Variants in DPYD observed in about 807,000 individuals in gnomAD.
DPYD encodes the protein dihydropyrimidine dehydrogenase.
In DPYD, 109 loss-of-function variants were observed where a neutral mutation model predicts 116.2. The ratio of observed to expected loss-of-function variants is 0.94; its 90% CI spans 0.80 to 1.10. DPYD has a LOEUF of 1.10. Among genes scored for constraint, DPYD ranks in the 50% least tolerant of loss-of-function variants. DPYD has a pLI of 0.00. For missense variants in DPYD, 1,302 were observed against 1,254.5 expected, an observed-to-expected ratio of 1.04 and a Z score of -0.57; for synonymous variants, 440 against 432.0, an observed-to-expected ratio of 1.02 and a Z score of -0.23.
At chr1:97,919,035 G>A (rs908860815) in intron 1 of DPYD, among the ~76,000 whole-genome samples, 26 of 152,070 alleles carry the variant, frequency 1.7e-4, no homozygotes, top group African/African-American at 5.6e-4. Context: ...ATCAACTGAG[G>A]CATTTATGCT....
chr1:97,649,159 T>C (rs1438762999), intron 8 of DPYD, among the ~76,000 whole-genome samples: 6 of 152,092 alleles, frequency 3.9e-5, no homozygotes, highest in Admixed American at 2.0e-4. Context: ...TGCCTACATA[T>C]TGCAGTGTAA....
Position 97,369,561 on chromosome 1 carries a change from C to T in DPYD, c.2058+4000G>A, listed in dbSNP as rs533796432. 2.0e-5 allele frequency among the ~76,000 whole-genome samples: 3 copies of T among 152,220 alleles called. No homozygotes were observed. The South Asian group carries it at 6.2e-4, about 32-fold the overall frequency. ...ATCTTTGACCTGGGAAACTCGAGGG[C>T]CTCTGCCTTGTGAAAAATGGAACAA... is the stretch of plus-strand genomic sequence containing the variant. On this transcript the variant is annotated intron_variant, in intron 16 of 22. Coordinates refer to ENST00000370192, the MANE Select transcript of DPYD (RefSeq NM_000110.4).
At position 97,187,085 on chromosome 1, in the gene DPYD, A is replaced by G. The variant is rs183411452; in HGVS notation, c.2622+5984T>C. 3.4e-4 allele frequency among the ~76,000 whole-genome samples: 52 copies of G among 152,276 alleles called. 1 individual carries two copies. Among genetic ancestry groups the G allele is most frequent in the Non-Finnish European group, 5.1e-4 (35 of 68,020 alleles). ...TGTAATGATGTCTTTTCCTTTGGAT[A>G]TAAACCCAATAGTAGGATTGCTGAG... On this transcript the variant is annotated intron_variant, in intron 20 of 22. Coordinates refer to ENST00000370192, the MANE Select transcript of DPYD (RefSeq NM_000110.4).
chr1:97,822,675 T>A (rs1289292368), intron 3 of DPYD, among the ~76,000 whole-genome samples: 2 of 152,128 alleles, frequency 1.3e-5, no homozygotes, highest in Non-Finnish European at 2.9e-5. Context: ...TAATTTTCAA[T>A]CCTCTGAGAA....
At chr1:97,826,498 T>G (rs1669252195) in intron 3 of DPYD, among the ~76,000 whole-genome samples, 1 of 152,108 alleles carries the variant, frequency 6.6e-6, no homozygotes, top group African/African-American at 2.4e-5. Flanking sequence ...TGTCTATGTA[T>G]TTACTTCAAA....
At chr1:97,750,799 T>G (rs1474467214) in intron 3 of DPYD, among the ~76,000 whole-genome samples, 1 of 152,192 alleles carries the variant, frequency 6.6e-6, no homozygotes, top group Non-Finnish European at 1.5e-5. Context: ...AAGTGTAGTA[T>G]TTGTAGGATA....
chr1:97,562,086 T>C (rs906592818), intron 11 of DPYD, among the ~76,000 whole-genome samples: 2 of 152,242 alleles, frequency 1.3e-5, no homozygotes, highest in Non-Finnish European at 2.9e-5. Context: ...AAGAATCTTG[T>C]ATAATTAATA....
chr1:97,754,486 T>G (rs1557935740), intron 3 of DPYD, among the ~76,000 whole-genome samples: 1 of 152,212 alleles, frequency 6.6e-6, no homozygotes, highest in Non-Finnish European at 1.5e-5. Flanking sequence ...CGTGGCATGC[T>G]CCATTAATTT....
chr1:97,305,479 C>G, intron 17 of DPYD, 101 bp from the exon 18 acceptor site: 1 of 1,491,562 alleles, frequency 6.7e-7, no homozygotes, highest in Non-Finnish European at 9.3e-7. Flanking sequence ...TCTATTTTAT[C>G]TTGAGAACAT....
At chr1:97,583,276 G>C (rs1006875757) in intron 10 of DPYD, among the ~76,000 whole-genome samples, 7 of 152,038 alleles carry the variant, frequency 4.6e-5, no homozygotes, top group Admixed American at 2.0e-4. Context: ...ACCAAAAAGA[G>C]TATTTTTAAA....
chr1:97,159,000 A>G (rs1173443576), intron 20 of DPYD, among the ~76,000 whole-genome samples: 1 of 152,120 alleles, frequency 6.6e-6, no homozygotes, highest in Non-Finnish European at 1.5e-5. Context: ...GAGTCTCTGT[A>G]TAATGTATCA....
intron 1 of DPYD, among the ~76,000 whole-genome samples, chr1:97,894,130 G>C (rs1416120219): frequency 2.0e-5 from 3 of 151,750 alleles, no homozygotes; most frequent in Non-Finnish European, 4.4e-5. Context: ...TGACAATTTG[G>C]TTCCAGGTAA....
chr1:97,529,684 TTTTC>T (rs1026447080), intron 12 of DPYD, among the ~76,000 whole-genome samples: 20 of 126,728 alleles, frequency 1.6e-4, no homozygotes, highest in East Asian at 5.9e-4. Flanking sequence ...TTCTCTTTTC[TTTTC>T]TTTCTTTCCT....
At chr1:97,357,444 T>C (rs1321412949) in intron 16 of DPYD, among the ~76,000 whole-genome samples, 1 of 152,178 alleles carries the variant, frequency 6.6e-6, no homozygotes, top group Non-Finnish European at 1.5e-5. Context: ...ATTTGACTTC[T>C]GCTTTTCCTA....
chr1:97,490,290 C>G (rs146595980), intron 13 of DPYD, among the ~76,000 whole-genome samples: 2 of 149,102 alleles, frequency 1.3e-5, no homozygotes, highest in Non-Finnish European at 3.0e-5. Context: ...TACCTTCATC[C>G]TTTATTATTA....
intron 18 of DPYD, among the ~76,000 whole-genome samples, chr1:97,258,837 G>T (rs1286507694): frequency 6.6e-6 from 1 of 152,114 alleles, no homozygotes; most frequent in Non-Finnish European, 1.5e-5. Flanking sequence ...TTAGCAGATG[G>T]TCATTTAAGA....
At position 97,106,085 on chromosome 1, in the gene DPYD, C is replaced by T. The variant is rs74106673; in HGVS notation, c.2623-7453G>A. On this transcript the variant is annotated intron_variant, in intron 20 of 22. Transcript: ENST00000370192. Reference sequence around the variant, plus strand: ...ATTTGAAAATGTGTGACCAGATCCTCATAGTGGCAGAAGGAAGGGTGGACT... The same window carrying T: ...ATTTGAAAATGTGTGACCAGATCCTTATAGTGGCAGAAGGAAGGGTGGACT... Among the ~76,000 whole-genome samples the T allele has an allele frequency of 2.6e-3, 403 of 152,098 alleles. 1 individual carries two copies. Among genetic ancestry groups the T allele is most frequent in the African/African-American group, 9.1e-3 (376 of 41,512 alleles).
At chr1:97,730,993 GATT>G (rs1270896966) in intron 4 of DPYD, among the ~76,000 whole-genome samples, 1 of 151,756 alleles carries the variant, frequency 6.6e-6, no homozygotes, top group Non-Finnish European at 1.5e-5. Flanking sequence ...GAAAGGTGAA[GATT>G]ATTAATCAAA....
At chr1:97,388,259 T>G (rs556595948) in intron 14 of DPYD, among the ~76,000 whole-genome samples, 2 of 152,200 alleles carry the variant, frequency 1.3e-5, no homozygotes, top group African/African-American at 4.8e-5. Context: ...TTTTAATATT[T>G]TATATTTAGT....
Sources: gnomAD v4.1 joint callset for allele counts (sites outside exome capture counted in the v4.1 genomes callset) on GRCh38, gnomAD v4.1.1 for gene constraint, MANE v1.5 for transcripts, NCBI Gene and HGNC (gene_info 2026-07-23, HGNC 2026-07-21) for gene names.